Variants in SESN3 observed in about 807,000 individuals in gnomAD.
SESN3 encodes the protein sestrin 3.
In SESN3, 21 loss-of-function variants were observed where a neutral mutation model predicts 55.3. The observed-to-expected ratio is 0.38, with a 90% CI of 0.27 to 0.55. SESN3 has a LOEUF of 0.55. Among genes scored for constraint, SESN3 ranks in the 20% least tolerant of loss-of-function variants. SESN3 has a pLI of 0.76. For synonymous variants in SESN3, 181 were observed against 203.1 expected, an observed-to-expected ratio of 0.89 and a Z score of 0.93; for missense variants, 408 against 604.3, an observed-to-expected ratio of 0.68 and a Z score of 3.41.
chr11:95,195,463 C>T (rs1016190442), intron 1 of SESN3, among the ~76,000 whole-genome samples: 1 of 152,096 alleles, frequency 6.6e-6, no homozygotes, highest in East Asian at 1.9e-4. Flanking sequence ...ATTAATTGAG[C>T]ATCTACAATG....
Position 95,166,478 on chromosome 11 carries a change from T to C in SESN3, c.*6777A>G, listed in dbSNP as rs926988838. 22 of 152,192 alleles carry C rather than the reference T, an allele frequency of 1.4e-4. No homozygotes were observed. Among genetic ancestry groups the C allele is most frequent in the African/African-American group, 4.3e-4 (18 of 41,452 alleles). The allele number at this position is 152,192 out of a possible 1,614,324, so 9.4% of individuals were successfully genotyped here. A position where few individuals can be genotyped will look rare whatever the true frequency, so the allele number is the denominator to read the frequency against. ...ATGTCTAACATTGAAAGTCAAGAAG[T>C]TGGCAATCTGATTTCATGTGCAATT... On this transcript the variant is annotated 3_prime_UTR_variant, in exon 10 of 10. Transcript: ENST00000536441.
chr11:95,167,432 C>CA lies in SESN3; in HGVS notation c.*5822dup, dbSNP rs1173277184. 1 of 151,732 alleles carries CA rather than the reference C, an allele frequency of 6.6e-6. No individual in the cohort carries two copies. Among genetic ancestry groups the CA allele is most frequent in the Non-Finnish European group, 1.5e-5 (1 of 68,004 alleles). 9.4% of individuals were successfully genotyped at this position (151,732 alleles called of 1,614,324 possible). A position where few individuals can be genotyped will look rare whatever the true frequency, so the allele number is the denominator to read the frequency against. On this transcript the variant is annotated 3_prime_UTR_variant, in exon 10 of 10. Transcript: ENST00000536441. ...TGCCCTGCACGATCTCAAAGATTTC[C>CA]ACAAGCATTCAAAAGAATCAGATAT...
chr11:95,202,055 A>C (rs992245569), intron 1 of SESN3, among the ~76,000 whole-genome samples: 2 of 151,902 alleles, frequency 1.3e-5, no homozygotes, highest in Non-Finnish European at 2.9e-5. Context: ...GCCAACTCCC[A>C]AGGTTTCCTA....
chr11:95,220,729 T>C (rs1860842697), intron 1 of SESN3, among the ~76,000 whole-genome samples: 1 of 152,202 alleles, frequency 6.6e-6, no homozygotes, highest in South Asian at 2.1e-4. Flanking sequence ...ACATGAAATA[T>C]AAGACAAGGC....
In SESN3 at chr11:95,221,413, T is replaced by C. The variant is rs150117741; in HGVS notation, c.78+9370A>G. On this transcript the variant is annotated intron_variant, in intron 1 of 9. Transcript: ENST00000536441. ...ATCTTTCTAATATTTAGCATATATATTGATAACTGAAAAGACAAATTTCAT... is the reference window on the plus strand; with the variant it reads ...ATCTTTCTAATATTTAGCATATATACTGATAACTGAAAAGACAAATTTCAT... Among the ~76,000 whole-genome samples, 76 of 152,348 alleles carry C rather than the reference T, an allele frequency of 5.0e-4. 2 individuals carry two copies. The East Asian group carries it at 0.013, about 26-fold the overall frequency.
chr11:95,184,280 T>G (rs534762591), intron 6 of SESN3, 140 bp downstream of exon 6: 32 of 684,030 alleles, frequency 4.7e-5, no homozygotes, highest in Non-Finnish European at 6.9e-5. Context: ...AGCAATAGCA[T>G]GAGGGTAAGA....
chr11:95,222,714 A>C (rs755118005), intron 1 of SESN3, among the ~76,000 whole-genome samples: 4 of 152,198 alleles, frequency 2.6e-5, no homozygotes, highest in Non-Finnish European at 5.9e-5. Flanking sequence ...AGTCCAGAGG[A>C]TAGAAGGAGA....
At chr11:95,199,652 T>C (rs1860426207) in intron 1 of SESN3, among the ~76,000 whole-genome samples, 1 of 152,034 alleles carries the variant, frequency 6.6e-6, no homozygotes, top group Admixed American at 6.6e-5. Flanking sequence ...CAAAGAAAAT[T>C]AATTGCAGCA....
chr11:95,184,361 G>T, intron 6 of SESN3, 59 bp downstream of exon 6: 1 of 1,398,798 alleles, frequency 7.1e-7, no homozygotes, highest in Non-Finnish European at 1.0e-6. Flanking sequence ...GGAAAACACT[G>T]AAGTTGCCCT....
chr11:95,176,838 T>C (rs1859966166), intron 8 of SESN3, among the ~76,000 whole-genome samples: 1 of 152,218 alleles, frequency 6.6e-6, no homozygotes. Context: ...TTAAAATGTA[T>C]TGATTCTTTG....
Position 95,231,008 on chromosome 11 carries a change from G to A in SESN3, c.-148C>T, listed in dbSNP as rs1199474215. On this transcript the variant is annotated 5_prime_UTR_variant, in exon 1 of 10. Coordinates refer to ENST00000536441, the MANE Select transcript of SESN3 (RefSeq NM_144665.4). The stretch of plus-strand genomic sequence containing the variant: ...CGGGATGTCGGGAGGAGAGGCGACT[G>A]CCTGAAAGCTAGCGGCACTGCCAGA... 6.4e-6 allele frequency: 3 copies of A among 472,306 alleles called. No homozygotes were observed. The highest frequency in any genetic ancestry group is 4.1e-5 in the African/African-American group (2 of 48,874). The allele number at this position is 472,306 out of a possible 1,614,324, so 29.3% of individuals were successfully genotyped here. A position where few individuals can be genotyped will look rare whatever the true frequency, so the allele number is the denominator to read the frequency against.
intron 1 of SESN3, among the ~76,000 whole-genome samples, chr11:95,194,837 T>C (rs1860331411): frequency 1.3e-5 from 2 of 152,108 alleles, no homozygotes; most frequent in South Asian, 4.1e-4. Flanking sequence ...GAACACTCTC[T>C]GTATAACTCA....
rs1859737381 is a variant in SESN3 at position 95,165,883 on chromosome 11, C to T, written c.*7372G>A. 1 of 152,114 alleles carries T rather than the reference C, an allele frequency of 6.6e-6. No homozygotes were observed. Among genetic ancestry groups the T allele is most frequent in the South Asian group, 2.1e-4 (1 of 4,830 alleles). 9.4% of individuals were successfully genotyped at this position (152,114 alleles called of 1,614,324 possible). A position where few individuals can be genotyped will look rare whatever the true frequency, so the allele number is the denominator to read the frequency against. On this transcript the variant is annotated 3_prime_UTR_variant, in exon 10 of 10. Coordinates refer to ENST00000536441, the MANE Select transcript of SESN3 (RefSeq NM_144665.4). ...TCAGCTTTAGTCAGAACTGTAAAAT[C>T]AGCAAACATAAGAAAAACAAAACCT...
rs376110699 is a variant in SESN3 at position 95,205,916 on chromosome 11, G to A, written c.79-12394C>T. Among the ~76,000 whole-genome samples, 14 of 151,954 alleles carry A rather than the reference G, an allele frequency of 9.2e-5. No individual in the cohort carries two copies. The East Asian group carries it at 2.7e-3, about 29-fold the overall frequency. On this transcript the variant is annotated intron_variant, in intron 1 of 9. Coordinates refer to ENST00000536441, the MANE Select transcript of SESN3 (RefSeq NM_144665.4). ...GTTTATTGAGGGGGTGGAGTTGGGG[G>A]AAGGACAGTAGAGGAAGAAAGGCAA...
Position 95,231,055 on chromosome 11 carries a change from C to A in SESN3, c.-195G>T. 1 of 411,120 alleles carries A rather than the reference C, an allele frequency of 2.4e-6. No homozygotes were observed. The highest frequency in any genetic ancestry group is 9.1e-5 in the South Asian group (1 of 11,012). 25.5% of individuals were successfully genotyped at this position (411,120 alleles called of 1,614,324 possible). On this transcript the variant is annotated 5_prime_UTR_variant, in exon 1 of 10. Transcript: ENST00000536441. ...CAGAGGCGACCACCGCGGCAGCTGC[C>A]CCAGCGACGGCGGAGACGGCGGCGG...
chr11:95,173,276 G>A lies in SESN3; in HGVS notation c.1458C>T (p.Ala486=), dbSNP rs1859889591. 2 of 1,579,062 alleles carry A rather than the reference G, an allele frequency of 1.3e-6. No homozygotes were observed. Among genetic ancestry groups the A allele is most frequent in the African/African-American group, 1.3e-5 (1 of 74,610 alleles). The part of the protein sequence containing the change: ...MQAELLYALR[A]ITRHLT Reference sequence around the variant, plus strand: ...TACTTCAGGTCAAATGCCGAGTTATGGCACGAAGAGCATAAAGAAGTTCAG... The same window carrying A: ...TACTTCAGGTCAAATGCCGAGTTATAGCACGAAGAGCATAAAGAAGTTCAG... The change falls in exon 10 of 10, where the codon GCC becomes GCT. Residue 486 remains alanine (A), a synonymous_variant. Transcript: ENST00000536441.
intron 1 of SESN3, among the ~76,000 whole-genome samples, chr11:95,202,527 T>C (rs1354163985): frequency 6.6e-6 from 1 of 152,088 alleles, no homozygotes; most frequent in Non-Finnish European, 1.5e-5. Flanking sequence ...TGTACCACTT[T>C]CTTAAAAATC....
At chr11:95,217,590 T>C (rs938903383) in intron 1 of SESN3, among the ~76,000 whole-genome samples, 1 of 150,614 alleles carries the variant, frequency 6.6e-6, no homozygotes, top group Non-Finnish European at 1.5e-5. Flanking sequence ...AGGTGGAGGT[T>C]GCAGTGAGCT....
At chr11:95,184,678 T>G in intron 5 of SESN3, 84 bp from the exon 6 acceptor site, 1 of 1,283,422 alleles carries the variant, frequency 7.8e-7, no homozygotes, top group Non-Finnish European at 1.1e-6. Flanking sequence ...GTCACCTTAC[T>G]ATGTACAGCG....
Sources: gnomAD v4.1 joint callset for allele counts (sites outside exome capture counted in the v4.1 genomes callset) on GRCh38, gnomAD v4.1.1 for gene constraint, MANE v1.5 for transcripts, NCBI Gene and HGNC (gene_info 2026-07-23, HGNC 2026-07-21) for gene names.